The following FAF1 variants were observed in gnomAD, a reference collection of about 807,000 sequenced individuals.
FAF1 encodes the protein Fas associated factor 1.
Under a neutral mutation model 92.5 loss-of-function variants are expected in FAF1, and 25 were observed. The ratio of observed to expected loss-of-function variants is 0.27; its 90% confidence interval spans 0.20 to 0.38. The LOEUF (loss-of-function observed/expected upper bound fraction) is 0.38, where lower values mean the gene tolerates loss of function less well. Among genes scored for constraint, FAF1 ranks in the 10% least tolerant of loss-of-function variants. The pLI is 1.00. For missense variants in FAF1, 636 were observed against 793.3 expected (o/e 0.80, Z 2.38); for synonymous variants, 234 against 273.2 (o/e 0.86, Z 1.42).
chr1:50,921,719 T>C (rs1221335000), intron 1 of FAF1, among the ~76,000 whole-genome samples: 1 of 151,580 alleles, frequency 6.6e-6, no homozygotes, highest in East Asian at 1.9e-4. Context: ...GGCAGAGGCA[T>C]GCAGTAAGCC....
chr1:50,519,523 A>T (rs182550230), intron 15 of FAF1, among the ~76,000 whole-genome samples: 1 of 152,252 alleles, frequency 6.6e-6, no homozygotes, highest in African/African-American at 2.4e-5. Flanking sequence ...AATTTTTGAT[A>T]GGGGCGTTTT....
intron 15 of FAF1, among the ~76,000 whole-genome samples, chr1:50,498,903 A>T (rs1193906937): frequency 1.3e-5 from 2 of 152,038 alleles, no homozygotes; most frequent in African/African-American, 4.8e-5. Flanking sequence ...TTTTCCAGAG[A>T]AGATGTATAA....
rs143759148 is a variant in FAF1 at position 50,657,590 on chromosome 1, G to C, written c.658-2062C>G. ...AAACAAAACCCAAAAACTTCAATAG[G>C]GTTCTTCATACTTCAACAAGCATCA... On this transcript the variant is annotated intron_variant, in intron 7 of 18. Coordinates refer to ENST00000396153, the MANE Select transcript of FAF1 (RefSeq NM_007051.3). 4.3e-3 allele frequency among the ~76,000 whole-genome samples: 653 copies of C among 152,130 alleles called. 8 individuals are homozygous for C. The highest frequency in any genetic ancestry group is 0.014 in the African/African-American group (590 of 41,496).
chr1:50,954,833 A>G (rs1017121348), intron 1 of FAF1, among the ~76,000 whole-genome samples: 3 of 152,142 alleles, frequency 2.0e-5, no homozygotes, highest in Non-Finnish European at 4.4e-5. Context: ...GTGAGCCACC[A>G]TGCCTGGCTT....
intron 4 of FAF1, among the ~76,000 whole-genome samples, chr1:50,752,494 G>A (rs1260393872): frequency 6.6e-6 from 1 of 152,002 alleles, no homozygotes; most frequent in African/African-American, 2.4e-5. Flanking sequence ...TGAATAACTT[G>A]TGTTTTCTCT....
chr1:50,690,964 T>C (rs986114680), intron 7 of FAF1, among the ~76,000 whole-genome samples: 4 of 152,236 alleles, frequency 2.6e-5, no homozygotes, highest in Non-Finnish European at 5.9e-5. Context: ...TATACCACAT[T>C]TTGTTTATCC....
At chr1:50,817,074 G>A (rs942599290) in intron 2 of FAF1, among the ~76,000 whole-genome samples, 2 of 152,056 alleles carry the variant, frequency 1.3e-5, no homozygotes, top group East Asian at 1.9e-4. Context: ...ATGGCGTTAC[G>A]GTTACTTTAG....
At chr1:50,846,942 G>C in intron 2 of FAF1, 1 of 262,174 alleles carries the variant, frequency 3.8e-6, no homozygotes, top group Non-Finnish European at 7.3e-6. Flanking sequence ...ATATATAAGA[G>C]TGTATTGCAG....
At position 50,503,617 on chromosome 1, in the gene FAF1, TA is replaced by T. The variant is rs780355888; in HGVS notation, c.1495-11817del. Among the ~76,000 whole-genome samples, 421 of 128,378 alleles carry T rather than the reference TA, an allele frequency of 3.3e-3. 1 individual carries two copies. Among genetic ancestry groups the T allele is most frequent in the Admixed American group, 3.7e-3 (47 of 12,556 alleles). The allele number at this position is 128,378 out of a possible 152,430, so 84.2% of individuals were successfully genotyped here. Reference sequence around the variant, plus strand: ...GCAACAGAGTGATTCCCTGTCTCTTTAAAAAAAAAAAAAAAATTGCTAAAAC... The same window carrying T: ...GCAACAGAGTGATTCCCTGTCTCTTTAAAAAAAAAAAAAAATTGCTAAAAC... On this transcript the variant is annotated intron_variant, in intron 15 of 18. Transcript: ENST00000396153.
In FAF1 at chr1:50,490,600, T is replaced by C. The variant is rs758862787; in HGVS notation, c.1641A>G (p.Glu547=). 1.2e-6 allele frequency: 2 copies of C among 1,610,898 alleles called. No homozygotes were observed. Among genetic ancestry groups the C allele is most frequent in the African/African-American group, 1.3e-5 (1 of 74,870 alleles). Residue 547 remains glutamate (E), a synonymous_variant, in exon 17 of 19, where the codon GAA becomes GAG. Transcript: ENST00000396153. ...FRLEQIRKEQ[E]EEREAIRLSL... is the part of the protein sequence containing the mutation. ...AATTATGCCCCACCTCACGTTCCTC[T>C]TCTTGTTCTTTGCGAATCTGCTCCA...
At chr1:50,573,821 A>C (rs554092432) in intron 12 of FAF1, among the ~76,000 whole-genome samples, 437 of 151,040 alleles carry the variant, frequency 2.9e-3, no homozygotes, top group Non-Finnish European at 4.1e-3. Flanking sequence ...TAAAAACAAA[A>C]AAAAAAAAAA....
At chr1:50,763,641 G>A (rs1660445702) in intron 4 of FAF1, among the ~76,000 whole-genome samples, 2 of 152,090 alleles carry the variant, frequency 1.3e-5, no homozygotes, top group African/African-American at 4.8e-5. Flanking sequence ...GCTTCAGTTT[G>A]CATTGTTTTT....
chr1:50,641,304 C>T (rs1372122748), intron 8 of FAF1, among the ~76,000 whole-genome samples: 3 of 152,056 alleles, frequency 2.0e-5, no homozygotes, highest in Non-Finnish European at 4.4e-5. Flanking sequence ...CATTGGACCG[C>T]CTTTTAAATA....
intron 7 of FAF1, among the ~76,000 whole-genome samples, chr1:50,675,857 TTATAGTAGCTGAAAC>T (rs1468700137): frequency 1.3e-5 from 2 of 152,226 alleles, no homozygotes; most frequent in Non-Finnish European, 2.9e-5. Flanking sequence ...TAAGAGGCCA[TTATAGTAGCTGAAAC>T]TACCATTTAT....
intron 1 of FAF1, among the ~76,000 whole-genome samples, chr1:50,895,455 A>G (rs1644750726): frequency 6.6e-6 from 1 of 152,206 alleles, no homozygotes; most frequent in South Asian, 2.1e-4. Context: ...GTTAAAGAAG[A>G]ACTAATACCA....
At chr1:50,750,490 A>G (rs1157061045) in intron 4 of FAF1, among the ~76,000 whole-genome samples, 6 of 152,048 alleles carry the variant, frequency 3.9e-5, no homozygotes, top group Non-Finnish European at 8.8e-5. Flanking sequence ...ATAGCACAAA[A>G]ACTTTCCTCA....
chr1:50,890,608 C>G (rs1409717853), intron 1 of FAF1, among the ~76,000 whole-genome samples: 1 of 152,078 alleles, frequency 6.6e-6, no homozygotes, highest in African/African-American at 2.4e-5. Context: ...TTTTATTTCC[C>G]CTTCACTTAT....
At chr1:50,709,799 T>A (rs990541922) in intron 6 of FAF1, among the ~76,000 whole-genome samples, 132 of 152,288 alleles carry the variant, frequency 8.7e-4, no homozygotes, top group African/African-American at 3.0e-3. Context: ...TCTGTAATAA[T>A]ACAGGAATAA....
chr1:50,801,622 A>G lies in FAF1; in HGVS notation c.161+9T>C. 6.6e-7 allele frequency: 1 copy of G among 1,516,626 alleles called. No homozygotes were observed. Among genetic ancestry groups the G allele is most frequent in the Non-Finnish European group, 9.2e-7 (1 of 1,091,692 alleles). 93.9% of individuals were successfully genotyped at this position (1,516,626 alleles called of 1,614,324 possible). ...AGTCATCTTAACTGGTAAGCACTTT[A>G]TAACATACCTTTGTAGAATGCCATT... On this transcript the variant is annotated intron_variant, in intron 3 of 18. Coordinates refer to ENST00000396153, the MANE Select transcript of FAF1 (RefSeq NM_007051.3).
Sources: allele counts gnomAD v4.1 joint callset (sites outside exome capture counted in the v4.1 genomes callset), GRCh38; gene constraint gnomAD v4.1.1; transcripts MANE v1.5; gene names NCBI Gene and HGNC (gene_info 2026-07-23, HGNC 2026-07-21).